SLC75A1: variants seen among roughly 807,000 people sequenced by gnomAD.
SLC75A1 encodes the protein major facilitator superfamily domain containing 10.
the SLC75A1 span, chr4:2,931,074 C>T: frequency 2.5e-6 from 4 of 1,603,036 alleles, no homozygotes; most frequent in Non-Finnish European, 3.4e-6. Flanking sequence ...AAGCGGCCAC[C>T]AGGGGCCCCG....
the SLC75A1 span, chr4:2,934,093 G>T: frequency 2.8e-6 from 2 of 713,446 alleles, no homozygotes; most frequent in Non-Finnish European, 4.5e-6. Flanking sequence ...TGGCCTGCGC[G>T]ATGCCCCCGC....
At chr4:2,934,049 C>T in the SLC75A1 span, 3 of 1,072,486 alleles carry the variant, frequency 2.8e-6, no homozygotes, top group African/African-American at 4.7e-5. Context: ...GGGCTGATGG[C>T]AGGGGCTCTG....
At chr4:2,932,444 C>T in the SLC75A1 span, 2 of 1,613,760 alleles carry the variant, frequency 1.2e-6, no homozygotes, top group South Asian at 1.1e-5. Flanking sequence ...GTGCCATTTC[C>T]AGGGGCAGGG....
chr4:2,931,430 G>C, the SLC75A1 span: 2 of 1,558,186 alleles, frequency 1.3e-6, no homozygotes, highest in Non-Finnish European at 1.7e-6. Context: ...GTCCCCAGCC[G>C]ATGAGGAGGA....
the SLC75A1 span, chr4:2,933,935 C>G: frequency 1.4e-5 from 21 of 1,553,454 alleles, no homozygotes; most frequent in Non-Finnish European, 1.7e-5. Context: ...GTGGGCTGCT[C>G]TGACCTGGCC....
chr4:2,933,612 T>C, the SLC75A1 span: 1 of 1,613,352 alleles, frequency 6.2e-7, no homozygotes, highest in African/African-American at 1.3e-5. Context: ...GGCATCCCGA[T>C]GGCGGTGGCA....
chr4:2,933,500 G>A, the SLC75A1 span: 1 of 1,524,284 alleles, frequency 6.6e-7, no homozygotes, highest in East Asian at 2.3e-5. Context: ...GGAGGGGCCT[G>A]GGCTGGACCA....
At chr4:2,933,266 G>A in the SLC75A1 span, 1 of 1,508,810 alleles carries the variant, frequency 6.6e-7, no homozygotes, top group African/African-American at 1.4e-5. Flanking sequence ...TGTGGTCTTG[G>A]GGCCCTCAAG....
the SLC75A1 span, chr4:2,932,221 CA>C: frequency 4.5e-6 from 7 of 1,551,996 alleles, no homozygotes; most frequent in African/African-American, 9.5e-5. Flanking sequence ...ACTGTGGCCT[CA>C]AGGGTCCCAA....
the SLC75A1 span, chr4:2,931,230 A>G: frequency 1.3e-6 from 2 of 1,564,436 alleles, no homozygotes; most frequent in Non-Finnish European, 8.7e-7. Context: ...GGCTCACCAT[A>G]GCCAGCGACC....
chr4:2,932,983 G>C, the SLC75A1 span: 3 of 1,065,676 alleles, frequency 2.8e-6, no homozygotes, highest in Non-Finnish European at 4.0e-6. Context: ...TCCAGGATGC[G>C]ATGAGGGCCA....
the SLC75A1 span, chr4:2,931,155 G>A: frequency 1.7e-5 from 27 of 1,560,912 alleles, no homozygotes; most frequent in Non-Finnish European, 2.3e-5. Flanking sequence ...GTGAGCCTGT[G>A]GGAAGAGGCA....
chr4:2,932,849 C>CAA, the SLC75A1 span: 2 of 1,451,500 alleles, frequency 1.4e-6, no homozygotes, highest in Non-Finnish European at 1.8e-6. Flanking sequence ...CAACACCCCT[C>CAA]AACCCTGCCC....
At chr4:2,932,827 T>C in the SLC75A1 span, 1 of 1,507,178 alleles carries the variant, frequency 6.6e-7, no homozygotes, top group South Asian at 1.3e-5. Context: ...GAGTAGGGCT[T>C]GGCAACCCAG....
At chr4:2,933,311 T>A in the SLC75A1 span, 4 of 1,172,722 alleles carry the variant, frequency 3.4e-6, no homozygotes, top group Non-Finnish European at 4.9e-6. Context: ...GGTCCAGTCA[T>A]GCTGGGCCCT....
At chr4:2,931,802 G>A in the SLC75A1 span, 1 of 1,573,180 alleles carries the variant, frequency 6.4e-7, no homozygotes, top group Non-Finnish European at 8.7e-7. Flanking sequence ...GAGACAGCAG[G>A]CCGTCGCCAG....
At chr4:2,931,720 C>G in the SLC75A1 span, 1,149 of 1,569,052 alleles carry the variant, frequency 7.3e-4, 6 homozygotes, top group Middle Eastern at 4.7e-3. Context: ...AGGGCAGGGC[C>G]AGGGCGAGAG....
At chr4:2,932,822 G>A in the SLC75A1 span, 16 of 1,512,762 alleles carry the variant, frequency 1.1e-5, no homozygotes, top group Non-Finnish European at 1.4e-5. Context: ...GCTCAGAGTA[G>A]GGCTTGGCAA....
the SLC75A1 span, chr4:2,932,385 CAGA>C: frequency 8.1e-6 from 13 of 1,613,524 alleles, no homozygotes; most frequent in Non-Finnish European, 1.1e-5. Flanking sequence ...TGGCAGGAAG[CAGA>C]AGATGAACAG....
Sources: gnomAD v4.1 joint callset for allele counts on GRCh38, gnomAD v4.1.1 for gene constraint, MANE v1.5 for transcripts, NCBI Gene and HGNC (gene_info 2026-07-23, HGNC 2026-07-21) for gene names.